Variants in TMEM132D observed in about 807,000 individuals in gnomAD.
TMEM132D encodes transmembrane protein 132D, also known as mature OL transmembrane protein.
A neutral mutation model predicts 62.3 loss-of-function variants in TMEM132D; 21 were observed. The ratio of observed to expected loss-of-function variants is 0.34; its 90% confidence interval spans 0.24 to 0.49. The LOEUF is 0.49. TMEM132D is among the 20% of genes least tolerant of loss of function. TMEM132D has a pLI of 0.99. For missense variants in TMEM132D, 1,346 were observed against 1,402.8 expected (o/e 0.96, Z 0.65); for synonymous variants, 621 against 575.6 (o/e 1.08, Z -1.13).
chr12:129,566,689 T>G (rs908404608), intron 2 of TMEM132D, among the ~76,000 whole-genome samples: 1 of 152,226 alleles, frequency 6.6e-6, no homozygotes, highest in African/African-American at 2.4e-5. Flanking sequence ...GAGAATCCCC[T>G]TCCCTTTCCA....
intron 4 of TMEM132D, among the ~76,000 whole-genome samples, chr12:129,216,999 T>TTGC (rs924684223): frequency 1.2e-4 from 19 of 152,246 alleles, no homozygotes; most frequent in African/African-American, 4.6e-4. Context: ...ACATTTTTTG[T>TTGC]TGTTGTTGTT....
At chr12:129,241,109 C>A in intron 4 of TMEM132D, among the ~76,000 whole-genome samples, 1 of 146,964 alleles carries the variant, frequency 6.8e-6, no homozygotes. Flanking sequence ...ATTTATACTC[C>A]AGCCAGGAAA....
chr12:129,238,393 A>G (rs1017356919), intron 4 of TMEM132D, among the ~76,000 whole-genome samples: 3 of 152,246 alleles, frequency 2.0e-5, no homozygotes, highest in Non-Finnish European at 4.4e-5. Context: ...TTCAATAATG[A>G]TAAGTATATT....
intron 3 of TMEM132D, among the ~76,000 whole-genome samples, chr12:129,436,707 T>G (rs1481927822): frequency 6.6e-6 from 1 of 152,154 alleles, no homozygotes; most frequent in East Asian, 1.9e-4. Context: ...TGAAAGCAAG[T>G]TTTAAAATAT....
intron 4 of TMEM132D, among the ~76,000 whole-genome samples, chr12:129,242,166 G>T (rs1000896734): frequency 4.6e-5 from 7 of 152,110 alleles, no homozygotes; most frequent in African/African-American, 1.7e-4. Flanking sequence ...AGGTTTCTTG[G>T]ACTTCAGAAG....
chr12:129,378,877 G>A (rs954722226), intron 3 of TMEM132D, among the ~76,000 whole-genome samples: 2 of 152,162 alleles, frequency 1.3e-5, no homozygotes, highest in African/African-American at 4.8e-5. Context: ...GTCTTAAGCA[G>A]CTTCAGAGAG....
At chr12:129,423,992 A>G (rs367860763) in intron 3 of TMEM132D, among the ~76,000 whole-genome samples, 2 of 152,244 alleles carry the variant, frequency 1.3e-5, no homozygotes, top group East Asian at 3.8e-4. Flanking sequence ...AGAAAATGAC[A>G]TAAAAATTTT....
intron 2 of TMEM132D, among the ~76,000 whole-genome samples, chr12:129,551,996 G>A (rs1438861243): frequency 6.6e-6 from 1 of 152,214 alleles, no homozygotes; most frequent in African/African-American, 2.4e-5. Context: ...TGACCAGAAA[G>A]TCCTTATACA....
At chr12:129,465,744 G>C (rs957391660) in intron 3 of TMEM132D, among the ~76,000 whole-genome samples, 2 of 152,008 alleles carry the variant, frequency 1.3e-5, no homozygotes, top group Non-Finnish European at 2.9e-5. Flanking sequence ...GTGCAGTGGA[G>C]CTATCTCAGC....
intron 4 of TMEM132D, among the ~76,000 whole-genome samples, chr12:129,264,157 G>A (rs551451979): frequency 1.3e-5 from 2 of 152,330 alleles, no homozygotes; most frequent in Admixed American, 1.3e-4. Context: ...GGAAGGCCAA[G>A]GCAGGTGGAT....
At chr12:129,263,344 G>A (rs569170685) in intron 4 of TMEM132D, among the ~76,000 whole-genome samples, 17 of 152,268 alleles carry the variant, frequency 1.1e-4, no homozygotes, top group African/African-American at 3.4e-4. Flanking sequence ...TGGACAATAA[G>A]GTTGACAATG....
intron 2 of TMEM132D, among the ~76,000 whole-genome samples, chr12:129,561,909 T>C (rs155703): frequency 0.86 from 130,436 of 152,174 alleles, 55,977 homozygotes; most frequent in East Asian, 0.95. Flanking sequence ...AGTCAGACTC[T>C]TTGGACAGTA....
chr12:129,424,661 T>G (rs533036760), intron 3 of TMEM132D, among the ~76,000 whole-genome samples: 1 of 120,636 alleles, frequency 8.3e-6, no homozygotes, highest in East Asian at 2.6e-4. Context: ...TGAGCTGAGA[T>G]CACGCCACTA....
chr12:129,562,556 G>A (rs1356736445), intron 2 of TMEM132D, among the ~76,000 whole-genome samples: 1 of 152,188 alleles, frequency 6.6e-6, no homozygotes, highest in Non-Finnish European at 1.5e-5. Flanking sequence ...GGAAGACCCA[G>A]ACTCAAGATC....
chr12:129,292,371 C>T (rs750548648), intron 4 of TMEM132D, among the ~76,000 whole-genome samples: 6 of 152,150 alleles, frequency 3.9e-5, no homozygotes, highest in Non-Finnish European at 5.9e-5. Context: ...AACTGACTCC[C>T]GAGGAGCCAA....
At chr12:129,832,035 C>CTTTTTTTTTTTTTTTT (rs71085577) in intron 1 of TMEM132D, among the ~76,000 whole-genome samples, 3 of 94,174 alleles carry the variant, frequency 3.2e-5, no homozygotes, top group African/African-American at 5.1e-5. Context: ...ATGCCCGGCT[C>CTTTTTTTTTTTTTTTT]TTTTTTTTTT....
intron 3 of TMEM132D, among the ~76,000 whole-genome samples, chr12:129,437,210 C>T (rs1255152131): frequency 6.6e-6 from 1 of 151,954 alleles, no homozygotes. Context: ...AGGGAGATGC[C>T]CTCTTTCTGC....
chr12:129,440,886 G>T (rs957803909), intron 3 of TMEM132D, among the ~76,000 whole-genome samples: 22 of 152,232 alleles, frequency 1.4e-4, no homozygotes. Flanking sequence ...GTTTGCAACA[G>T]AAATTAAAAA....
chr12:129,440,723 C>T (rs1176029147), intron 3 of TMEM132D, among the ~76,000 whole-genome samples: 3 of 152,106 alleles, frequency 2.0e-5, no homozygotes, highest in African/African-American at 7.2e-5. Context: ...ATGCAGATAC[C>T]CTTTTACTTC....
Sources: gnomAD v4.1 joint callset for allele counts (sites outside exome capture counted in the v4.1 genomes callset) on GRCh38, gnomAD v4.1.1 for gene constraint, MANE v1.5 for transcripts, NCBI Gene and HGNC (gene_info 2026-07-23, HGNC 2026-07-21) for gene names.